CAMTA1: variants seen among roughly 807,000 people sequenced by gnomAD.
CAMTA1 encodes the protein calmodulin binding transcription activator 1, also known as calmodulin-binding transcription activator 1.
CAMTA1 carries 27 observed loss-of-function variants against 170.9 expected under a neutral mutation model. The ratio of observed to expected loss-of-function variants is 0.16; its 90% CI spans 0.12 to 0.22. The LOEUF (loss-of-function observed/expected upper bound fraction) is 0.22, where lower values mean the gene tolerates loss of function less well. Ranked by LOEUF, CAMTA1 falls within the 10% of genes least tolerant of loss-of-function variation. The probability of loss-of-function intolerance (pLI) is 1.00; values close to 1 mark genes in which losing one functional copy is unlikely to be tolerated. For missense variants in CAMTA1, 1,619 were observed against 2,217.2 expected (o/e 0.73, Z 5.42); for synonymous variants, 833 against 891.5 (o/e 0.93, Z 1.17).
chr1:7,015,044 C>CT (rs771130839), intron 3 of CAMTA1, among the ~76,000 whole-genome samples: 3 of 152,148 alleles, frequency 2.0e-5, no homozygotes, highest in Non-Finnish European at 4.4e-5. Flanking sequence ...GGATAGAATT[C>CT]TTTCTCAGAA....
chr1:6,827,778 G>A (rs1219831299), intron 3 of CAMTA1, among the ~76,000 whole-genome samples: 1 of 152,116 alleles, frequency 6.6e-6, no homozygotes, highest in Non-Finnish European at 1.5e-5. Flanking sequence ...GAAATCCCTT[G>A]ACTTGCTCAT....
chr1:7,275,798 G>A (rs1203118055), intron 5 of CAMTA1, among the ~76,000 whole-genome samples: 1 of 151,964 alleles, frequency 6.6e-6, no homozygotes. Flanking sequence ...CTCCTTCATG[G>A]TGAATTTGAT....
rs568699903 is a variant in CAMTA1 at position 7,392,647 on chromosome 1, G to T, written c.439-75183G>T. Among the ~76,000 whole-genome samples the T allele has an allele frequency of 1.1e-4, 16 of 152,026 alleles. No homozygotes were observed. In the South Asian group the frequency reaches 3.3e-3, roughly 32 times the overall value. ...CTAGCATTTTGGGAGGCCAAGGTGG[G>T]TGGATTGCCTGAGCTCAGGAGTTCG... On this transcript the variant is annotated intron_variant, in intron 5 of 22. Coordinates refer to ENST00000303635, the MANE Select transcript of CAMTA1 (RefSeq NM_015215.4).
At chr1:7,594,653 G>A (rs1282240959) in intron 6 of CAMTA1, among the ~76,000 whole-genome samples, 3 of 152,236 alleles carry the variant, frequency 2.0e-5, no homozygotes, top group African/African-American at 7.2e-5. Flanking sequence ...GGCAGAGCAG[G>A]GTGGGGAGAG....
chr1:7,571,700 G>A lies in CAMTA1; in HGVS notation c.511-68700G>A, dbSNP rs2412095. ...TTTTTATGGCTGCATAGTATTCCAC[G>A]GTGCATATGTATCACATTTTCTTTA... On this transcript the variant is annotated intron_variant, in intron 6 of 22. Coordinates refer to ENST00000303635, the MANE Select transcript of CAMTA1 (RefSeq NM_015215.4). 6.3e-3 allele frequency among the ~76,000 whole-genome samples: 959 copies of A among 152,170 alleles called. 6 individuals carry two copies. Among genetic ancestry groups the A allele is most frequent in the Non-Finnish European group, 8.4e-3 (574 of 68,020 alleles).
intron 11 of CAMTA1, among the ~76,000 whole-genome samples, chr1:7,715,647 T>C (rs931392241): frequency 1.3e-5 from 2 of 152,162 alleles, no homozygotes; most frequent in African/African-American, 4.8e-5. Flanking sequence ...TTTTACGTAA[T>C]CCAAGGGATG....
chr1:7,179,190 C>T (rs1042153379), intron 4 of CAMTA1, among the ~76,000 whole-genome samples: 3 of 152,210 alleles, frequency 2.0e-5, no homozygotes, highest in Admixed American at 1.3e-4. Context: ...AGAAAAATGG[C>T]TGCTAATAAC....
chr1:7,129,539 G>A (rs186887878), intron 4 of CAMTA1, among the ~76,000 whole-genome samples: 38 of 152,276 alleles, frequency 2.5e-4, no homozygotes, highest in African/African-American at 8.9e-4. Flanking sequence ...AGCTGTGTGA[G>A]GTTCTTACTC....
At chr1:7,242,356 C>T (rs1025235389) in intron 4 of CAMTA1, among the ~76,000 whole-genome samples, 3 of 152,162 alleles carry the variant, frequency 2.0e-5, no homozygotes, top group Non-Finnish European at 4.4e-5. Flanking sequence ...ATGGTGCTGC[C>T]ATGTTGGAAA....
intron 4 of CAMTA1, among the ~76,000 whole-genome samples, chr1:7,108,885 G>A (rs1643862162): frequency 6.6e-6 from 1 of 152,188 alleles, no homozygotes; most frequent in African/African-American, 2.4e-5. Flanking sequence ...CGGGGCTGCA[G>A]TCAAAGTGTT....
chr1:7,289,221 A>G (rs1409971000), intron 5 of CAMTA1, among the ~76,000 whole-genome samples: 1 of 152,180 alleles, frequency 6.6e-6, no homozygotes, highest in Non-Finnish European at 1.5e-5. Flanking sequence ...GGGGATTACA[A>G]TTCAACATGA....
intron 6 of CAMTA1, among the ~76,000 whole-genome samples, chr1:7,538,549 A>G (rs943215): frequency 0.78 from 119,216 of 152,194 alleles, 47,072 homozygotes; most frequent in African/African-American, 0.87. Flanking sequence ...TACTAGGGAG[A>G]CTGAGGCAGG....
chr1:6,899,552 GCGCACACACACACACACACACA>G (rs1477073990), intron 3 of CAMTA1, among the ~76,000 whole-genome samples: 25 of 104,716 alleles, frequency 2.4e-4, no homozygotes, highest in Non-Finnish European at 4.0e-4. Flanking sequence ...GCACGCGCGC[GCGCACACACACACACACACACA>G]CACACACACA....
intron 3 of CAMTA1, among the ~76,000 whole-genome samples, chr1:6,995,531 T>G (rs1300682293): frequency 6.6e-6 from 1 of 151,980 alleles, no homozygotes; most frequent in Non-Finnish European, 1.5e-5. Context: ...CTCAATCTCT[T>G]GACCTCGTGA....
At chr1:7,492,786 A>AC (rs2093736427) in intron 6 of CAMTA1, among the ~76,000 whole-genome samples, 6 of 97,890 alleles carry the variant, frequency 6.1e-5, no homozygotes, top group Non-Finnish European at 8.0e-5. Context: ...TGCACACACA[A>AC]ACACAAACCT....
chr1:7,443,991 G>C lies in CAMTA1; in HGVS notation c.439-23839G>C, dbSNP rs2092617515. ...GGTGAGCCATCGAGCCCCTCCTTCAGGCCCCCAGAGGAAGCTGGAGGAGTT... is the reference window on the plus strand; with the variant it reads ...GGTGAGCCATCGAGCCCCTCCTTCACGCCCCCAGAGGAAGCTGGAGGAGTT... On this transcript the variant is annotated intron_variant, in intron 5 of 22. Coordinates refer to ENST00000303635, the MANE Select transcript of CAMTA1 (RefSeq NM_015215.4). This position sits in a 1 kb window ranked among gnomAD's most constrained non-coding sequence, Gnocchi z 4.1. Among the ~76,000 whole-genome samples the C allele has an allele frequency of 6.6e-6, 1 of 151,794 alleles. No individual in the cohort carries two copies. Among genetic ancestry groups the C allele is most frequent in the Non-Finnish European group, 1.5e-5 (1 of 67,840 alleles).
chr1:6,815,174 T>C (rs1207061876), intron 1 of CAMTA1, among the ~76,000 whole-genome samples: 1 of 152,152 alleles, frequency 6.6e-6, no homozygotes, highest in Non-Finnish European at 1.5e-5. Flanking sequence ...AGGGAATATA[T>C]ATTATAGAGC....
At position 7,640,532 on chromosome 1, in the gene CAMTA1, A is replaced by G. The variant is rs1477789229; in HGVS notation, c.643A>G (p.Ile215Val). 6.2e-7 allele frequency: 1 copy of G among 1,614,218 alleles called. No individual in the cohort carries two copies. The highest frequency in any genetic ancestry group is 1.1e-5 in the South Asian group (1 of 91,086). The change falls in exon 7 of 23, where the codon ATC (isoleucine) becomes GTC (valine). Residue 215 changes from isoleucine (I) to valine (V), a missense_variant. Transcript: ENST00000303635. ...EWAKWTKEEL[I>V]GQLKPMFHGI... ...GGCGAAATGGACGAAAGAAGAGCTC[A>G]TCGGGCAGCTGAAACCCATGTGTGA...
At chr1:7,636,709 CAA>C (rs34844874) in intron 6 of CAMTA1, among the ~76,000 whole-genome samples, 17 of 138,178 alleles carry the variant, frequency 1.2e-4, no homozygotes, top group African/African-American at 2.3e-4. Context: ...AACTCCATCT[CAA>C]AAAAAAAAAA....
Sources: gnomAD v4.1 joint callset for allele counts (sites outside exome capture counted in the v4.1 genomes callset) on GRCh38, gnomAD v4.1.1 for gene constraint, Gnocchi (gnomAD v3.1) non-coding constraint, MANE v1.5 for transcripts, NCBI Gene and HGNC (gene_info 2026-07-23, HGNC 2026-07-21) for gene names.